PRIMA1: variants seen among roughly 807,000 people sequenced by gnomAD.
PRIMA1 encodes the protein proline rich membrane anchor 1, also known as proline-rich membrane anchor 1.
Under a neutral mutation model 17.5 loss-of-function variants are expected in PRIMA1, and 7 were observed. The ratio of observed to expected loss-of-function variants is 0.40; its 90% CI spans 0.23 to 0.75. The LOEUF is 0.75. PRIMA1 is among the 30% of genes least tolerant of loss of function. The pLI, the probability that PRIMA1 is intolerant of heterozygous loss-of-function variation, is 0.37. For missense variants in PRIMA1, 200 were observed against 201.8 expected (o/e 0.99, Z 0.05); for synonymous variants, 97 against 77.9 (o/e 1.25, Z -1.29).
intron 4 of PRIMA1, among the ~76,000 whole-genome samples, chr14:93,729,692 G>A (rs1001720226): frequency 2.6e-5 from 4 of 152,204 alleles, no homozygotes; most frequent in Admixed American, 2.6e-4. Flanking sequence ...GGGCTGGGTT[G>A]GCCCCTGGCA....
intron 2 of PRIMA1, among the ~76,000 whole-genome samples, chr14:93,783,414 C>T (rs1054830024): frequency 6.6e-5 from 10 of 152,344 alleles, no homozygotes; most frequent in African/African-American, 2.4e-4. Flanking sequence ...GTCCCATTCC[C>T]CAGTGCTGGT....
At chr14:93,735,516 G>A (rs1041161679) in intron 4 of PRIMA1, among the ~76,000 whole-genome samples, 4 of 152,066 alleles carry the variant, frequency 2.6e-5, no homozygotes, top group Non-Finnish European at 4.4e-5. Context: ...CAGCCACAGC[G>A]GGCTGCCAGC....
chr14:93,754,880 G>T (rs1056637299), intron 3 of PRIMA1, among the ~76,000 whole-genome samples: 1 of 152,132 alleles, frequency 6.6e-6, no homozygotes, highest in Non-Finnish European at 1.5e-5. Flanking sequence ...TACAGACAGG[G>T]TGACGCTTCA....
chr14:93,729,117 C>T (rs77476227), intron 4 of PRIMA1, among the ~76,000 whole-genome samples: 26,115 of 152,102 alleles, frequency 0.17, 2,517 homozygotes, highest in Admixed American at 0.29. Flanking sequence ...GGAAGGCGCA[C>T]TGGCCAAGGA....
At chr14:93,735,201 T>G (rs2076141581) in intron 4 of PRIMA1, among the ~76,000 whole-genome samples, 1 of 152,054 alleles carries the variant, frequency 6.6e-6, no homozygotes, top group Non-Finnish European at 1.5e-5. Context: ...AGCCATGGCC[T>G]GGTGGCGCAC....
chr14:93,763,798 G>A lies in PRIMA1; in HGVS notation c.229+15378C>T, dbSNP rs1332433721. On this transcript the variant is annotated intron_variant, in intron 3 of 4. Coordinates refer to ENST00000393140, the MANE Select transcript of PRIMA1 (RefSeq NM_178013.4). ...CTCAGTCCCCACCGTCTCTTCTCCCGCCCCACGCTCTCCCCAGTGATCTCT... is the reference window on the plus strand; with the variant it reads ...CTCAGTCCCCACCGTCTCTTCTCCCACCCCACGCTCTCCCCAGTGATCTCT... 4.6e-5 allele frequency among the ~76,000 whole-genome samples: 7 copies of A among 151,756 alleles called. No homozygotes were observed. In the East Asian group the frequency reaches 9.7e-4, roughly 21 times the overall value.
At chr14:93,786,750 G>A (rs577282365) in intron 2 of PRIMA1, among the ~76,000 whole-genome samples, 2 of 152,224 alleles carry the variant, frequency 1.3e-5, no homozygotes, top group South Asian at 4.2e-4. Flanking sequence ...CAGAAGAACG[G>A]CATTGCTATT....
chr14:93,739,201 C>T (rs1292831063), intron 3 of PRIMA1, among the ~76,000 whole-genome samples: 1 of 152,038 alleles, frequency 6.6e-6, no homozygotes, highest in African/African-American at 2.4e-5. Flanking sequence ...TACAGATATG[C>T]GCCACCATGC....
chr14:93,764,647 A>G (rs1884836615), intron 3 of PRIMA1, among the ~76,000 whole-genome samples: 1 of 152,106 alleles, frequency 6.6e-6, no homozygotes, highest in Admixed American at 6.5e-5. Context: ...CTCCTTAAAT[A>G]TGTTATTTAG....
intron 3 of PRIMA1, among the ~76,000 whole-genome samples, chr14:93,754,605 G>A (rs557258460): frequency 5.9e-5 from 9 of 152,122 alleles, no homozygotes; most frequent in Non-Finnish European, 1.3e-4. Flanking sequence ...TAGGAGGGAG[G>A]GAAAAGGGAA....
chr14:93,754,902 C>T (rs77903681), intron 3 of PRIMA1, among the ~76,000 whole-genome samples: 6 of 152,156 alleles, frequency 3.9e-5, no homozygotes. Context: ...AAACCAGCCA[C>T]GTCCACCTGC....
At chr14:93,756,646 G>C (rs2076292424) in intron 3 of PRIMA1, among the ~76,000 whole-genome samples, 2 of 151,976 alleles carry the variant, frequency 1.3e-5, no homozygotes, top group African/African-American at 4.8e-5. Context: ...ATCGGCCCCA[G>C]CACGTCCCCC....
chr14:93,771,567 C>A (rs1885071579), intron 3 of PRIMA1, among the ~76,000 whole-genome samples: 1 of 152,168 alleles, frequency 6.6e-6, no homozygotes, highest in African/African-American at 2.4e-5. Flanking sequence ...AGACCCCAAG[C>A]AGGGACCTCC....
chr14:93,733,039 C>T (rs1347473086), intron 4 of PRIMA1, among the ~76,000 whole-genome samples: 1 of 152,212 alleles, frequency 6.6e-6, no homozygotes, highest in Admixed American at 6.5e-5. Context: ...TTGTTTACAA[C>T]AAGCCCGGGG....
chr14:93,769,346 C>T (rs1486045046), intron 3 of PRIMA1, among the ~76,000 whole-genome samples: 1 of 152,194 alleles, frequency 6.6e-6, no homozygotes, highest in Non-Finnish European at 1.5e-5. Context: ...GCTGAGTGAC[C>T]AGCACACATC....
At chr14:93,736,901 C>T (rs115690807) in intron 4 of PRIMA1, among the ~76,000 whole-genome samples, 59 of 152,252 alleles carry the variant, frequency 3.9e-4, no homozygotes, top group African/African-American at 1.2e-3. Flanking sequence ...GTATTTTTCA[C>T]GTTGCACTGG....
intron 3 of PRIMA1, among the ~76,000 whole-genome samples, chr14:93,774,776 C>T (rs957149704): frequency 1.3e-5 from 2 of 152,214 alleles, no homozygotes; most frequent in African/African-American, 2.4e-5. Context: ...TTCATCAGAA[C>T]GCTTTCCACA....
chr14:93,769,199 TTACTC>T (rs1362361211), intron 3 of PRIMA1, among the ~76,000 whole-genome samples: 1 of 152,214 alleles, frequency 6.6e-6, no homozygotes. Flanking sequence ...GATAAGAACT[TTACTC>T]AAGCAAGGGT....
intron 4 of PRIMA1, among the ~76,000 whole-genome samples, chr14:93,730,696 C>G (rs2141155429): frequency 6.6e-6 from 1 of 152,314 alleles, no homozygotes; most frequent in East Asian, 1.9e-4. Flanking sequence ...GCCACACATT[C>G]AGTAAGAACT....
Sources: gnomAD v4.1 joint callset for allele counts (sites outside exome capture counted in the v4.1 genomes callset) on GRCh38, gnomAD v4.1.1 for gene constraint, MANE v1.5 for transcripts, NCBI Gene and HGNC (gene_info 2026-07-23, HGNC 2026-07-21) for gene names.